The following ROBO1 variants were observed in gnomAD, a reference collection of about 807,000 sequenced individuals.
The protein encoded by ROBO1 is roundabout guidance receptor 1, also known as roundabout homolog 1.
In ROBO1, 149 loss-of-function variants were observed where a neutral mutation model predicts 195.9. The ratio of observed to expected loss-of-function variants is 0.76; its 90% CI spans 0.67 to 0.87. The LOEUF (loss-of-function observed/expected upper bound fraction) is 0.87, where lower values mean the gene tolerates loss of function less well. Ranked by LOEUF, ROBO1 falls within the 40% of genes least tolerant of loss-of-function variation. The pLI is 0.00. For synonymous variants in ROBO1, 816 were observed against 733.2 expected (o/e 1.11, Z -1.82); for missense variants, 1,933 against 2,068.3 (o/e 0.93, Z 1.27).
chr3:78,970,279 A>G (rs1248605667), intron 3 of ROBO1, among the ~76,000 whole-genome samples: 1 of 152,204 alleles, frequency 6.6e-6, no homozygotes, highest in Non-Finnish European at 1.5e-5. Flanking sequence ...TAATTTAGAA[A>G]AAATTACTCA....
intron 2 of ROBO1, among the ~76,000 whole-genome samples, chr3:79,154,401 G>A (rs1414328452): frequency 6.6e-6 from 1 of 151,688 alleles, no homozygotes; most frequent in Non-Finnish European, 1.5e-5. Context: ...ATTGACCACA[G>A]TTATACATCT....
intron 3 of ROBO1, among the ~76,000 whole-genome samples, chr3:79,104,572 A>G (rs1316605170): frequency 6.6e-6 from 1 of 151,646 alleles, no homozygotes; most frequent in African/African-American, 2.4e-5. Flanking sequence ...TGCTTATTGC[A>G]TATTTAAGAT....
intron 3 of ROBO1, among the ~76,000 whole-genome samples, chr3:79,091,397 G>C (rs190729608): frequency 1.3e-5 from 2 of 152,114 alleles, no homozygotes; most frequent in East Asian, 3.9e-4. Context: ...GAAATGATCT[G>C]TACGTTAGTC....
At chr3:78,734,612 G>GA (rs766825582) in intron 5 of ROBO1, among the ~76,000 whole-genome samples, 21 of 140,440 alleles carry the variant, frequency 1.5e-4, no homozygotes, top group African/African-American at 5.4e-4. Context: ...CCATTTGGGG[G>GA]AAAAAAAAAA....
chr3:79,376,394 CTG>C (rs1380667311), intron 2 of ROBO1, among the ~76,000 whole-genome samples: 2 of 152,106 alleles, frequency 1.3e-5, no homozygotes, highest in Non-Finnish European at 1.5e-5. Flanking sequence ...TTCATCTCTT[CTG>C]TGTTAGAATG....
rs79394901 is a variant in ROBO1 at position 79,121,483 on chromosome 3, A to C, written c.172+3973T>G. ...GAATATATTTTGTTTCCTTCTAAACAATCATTACCAAACTTTACTTGGAGG... is the reference window on the plus strand; with the variant it reads ...GAATATATTTTGTTTCCTTCTAAACCATCATTACCAAACTTTACTTGGAGG... On this transcript the variant is annotated intron_variant, in intron 3 of 30. Transcript: ENST00000464233. 9.3e-3 allele frequency among the ~76,000 whole-genome samples: 1,415 copies of C among 152,104 alleles called. 21 individuals are homozygous for C. Among genetic ancestry groups the C allele is most frequent in the Middle Eastern group, 0.065 (19 of 292 alleles).
chr3:79,456,219 A>C (rs1213576603), intron 2 of ROBO1, among the ~76,000 whole-genome samples: 1 of 152,176 alleles, frequency 6.6e-6, no homozygotes, highest in African/African-American at 2.4e-5. Flanking sequence ...AAATTAACAC[A>C]ATCTGTCAAG....
chr3:78,788,619 CA>C (rs2108515219), intron 4 of ROBO1, among the ~76,000 whole-genome samples: 1 of 152,032 alleles, frequency 6.6e-6, no homozygotes, highest in South Asian at 2.1e-4. Context: ...ATCACTTTTA[CA>C]GTTTGAAATA....
intron 1 of ROBO1, among the ~76,000 whole-genome samples, chr3:79,751,261 ACT>A (rs759170969): frequency 2.0e-4 from 30 of 152,278 alleles, no homozygotes; most frequent in Admixed American, 3.9e-4. Context: ...CATTTTACAT[ACT>A]GTTTATGATT....
chr3:79,631,041 G>A (rs528021832), intron 1 of ROBO1, among the ~76,000 whole-genome samples: 7 of 151,708 alleles, frequency 4.6e-5, no homozygotes, highest in Admixed American at 1.3e-4. Context: ...GTAAAATGAC[G>A]TACTATATTT....
At chr3:79,665,087 T>C (rs1946437899) in intron 1 of ROBO1, among the ~76,000 whole-genome samples, 1 of 151,954 alleles carries the variant, frequency 6.6e-6, no homozygotes, top group South Asian at 2.1e-4. Context: ...TTTAGAGATA[T>C]AATTTAAAAA....
At chr3:79,316,578 T>C (rs1271751654) in intron 2 of ROBO1, among the ~76,000 whole-genome samples, 1 of 152,124 alleles carries the variant, frequency 6.6e-6, no homozygotes, top group East Asian at 1.9e-4. Context: ...TGGTTGTTCC[T>C]ATGTTCTTAG....
intron 4 of ROBO1, among the ~76,000 whole-genome samples, chr3:78,920,624 G>GTTTTTTTTTTTTTTTTT (rs34364869): frequency 4.9e-5 from 3 of 60,962 alleles, no homozygotes; most frequent in African/African-American, 2.2e-4. Flanking sequence ...CTTTCTTTCA[G>GTTTTTTTTTTTTTTTTT]TTTTTTTTTT....
At chr3:79,082,840 T>C (rs1467394167) in intron 3 of ROBO1, among the ~76,000 whole-genome samples, 3 of 152,010 alleles carry the variant, frequency 2.0e-5, no homozygotes, top group African/African-American at 7.2e-5. Context: ...AGGTTGATGG[T>C]GTGGAGAGAG....
intron 2 of ROBO1, among the ~76,000 whole-genome samples, chr3:79,467,393 A>G (rs1045456085): frequency 6.6e-6 from 1 of 151,536 alleles, no homozygotes; most frequent in Admixed American, 6.6e-5. Flanking sequence ...TTGTGCCCAA[A>G]TATTGTCCTT....
At chr3:79,527,953 G>A (rs1463048198) in intron 2 of ROBO1, 4 of 152,276 alleles carry the variant, frequency 2.6e-5, no homozygotes, top group Non-Finnish European at 5.9e-5. Flanking sequence ...CCCTCTACAA[G>A]GTGTGTGTGA....
intron 2 of ROBO1, among the ~76,000 whole-genome samples, chr3:79,403,842 T>C (rs991495117): frequency 2.6e-5 from 4 of 151,996 alleles, no homozygotes; most frequent in Admixed American, 6.6e-5. Flanking sequence ...AATAATGATA[T>C]GGGAGATGCT....
At chr3:79,644,857 A>G (rs1252383046) in intron 1 of ROBO1, among the ~76,000 whole-genome samples, 2 of 151,052 alleles carry the variant, frequency 1.3e-5, no homozygotes, top group Non-Finnish European at 1.5e-5. Context: ...AATCACATCA[A>G]GTTTCATTTC....
intron 2 of ROBO1, among the ~76,000 whole-genome samples, chr3:79,322,247 T>C (rs551779093): frequency 7.5e-4 from 114 of 152,318 alleles, no homozygotes; most frequent in Middle Eastern, 3.4e-3. Context: ...CAGTCTTCTT[T>C]CTGAAAAAAC....
Sources: allele counts gnomAD v4.1 joint callset (sites outside exome capture counted in the v4.1 genomes callset), GRCh38; gene constraint gnomAD v4.1.1; transcripts MANE v1.5; gene names NCBI Gene and HGNC (gene_info 2026-07-23, HGNC 2026-07-21).